RDH10: variants seen among roughly 807,000 people sequenced by gnomAD.
RDH10 encodes the protein retinol dehydrogenase 10, also known as retinol dehydrogenase 10 (all-trans).
RDH10 carries 12 observed loss-of-function variants against 30.2 expected under a neutral mutation model. That is an observed-to-expected ratio of 0.40 (90% CI 0.25 to 0.64). The LOEUF (loss-of-function observed/expected upper bound fraction) is 0.64. Ranked by LOEUF, RDH10 falls within the 30% of genes least tolerant of loss-of-function variation. The probability of loss-of-function intolerance (pLI) is 0.43; values close to 1 mark genes in which losing one functional copy is unlikely to be tolerated. For missense variants in RDH10, 268 were observed against 445.2 expected (o/e 0.60, Z 3.58); for synonymous variants, 189 against 172.2 (o/e 1.10, Z -0.76).
intron 4 of RDH10, 72 bp downstream of exon 4, chr8:73,321,149 C>A: frequency 7.8e-7 from 1 of 1,279,816 alleles, no homozygotes; most frequent in Non-Finnish European, 1.1e-6. Flanking sequence ...GACTTTCAAA[C>A]ATAACCTTGT....
intron 1 of RDH10, among the ~76,000 whole-genome samples, chr8:73,296,382 G>C (rs1814267470): frequency 1.3e-5 from 2 of 152,132 alleles, no homozygotes; most frequent in African/African-American, 4.8e-5. Flanking sequence ...ATTGACTTGG[G>C]CACTTCTCCC....
At chr8:73,314,314 G>A (rs1273288437) in intron 2 of RDH10, among the ~76,000 whole-genome samples, 1 of 152,172 alleles carries the variant, frequency 6.6e-6, no homozygotes, top group African/African-American at 2.4e-5. Flanking sequence ...AAACTAGTCA[G>A]GTTACTTGGG....
At chr8:73,317,394 A>G (rs1814691994) in intron 2 of RDH10, among the ~76,000 whole-genome samples, 1 of 152,214 alleles carries the variant, frequency 6.6e-6, no homozygotes, top group African/African-American at 2.4e-5. Flanking sequence ...ATAGATTATC[A>G]GAAGAGTTCA....
chr8:73,314,338 A>G (rs1814623931), intron 2 of RDH10, among the ~76,000 whole-genome samples: 1 of 152,198 alleles, frequency 6.6e-6, no homozygotes, highest in South Asian at 2.1e-4. Context: ...ATTCCTGAAA[A>G]TGTGATGCTT....
chr8:73,322,205 A>G, intron 4 of RDH10: 2 of 353,712 alleles, frequency 5.7e-6, no homozygotes, highest in East Asian at 7.4e-5. Context: ...AGGGGCCCCT[A>G]GAGAATATAC....
At chr8:73,301,029 A>G (rs955225202) in intron 2 of RDH10, among the ~76,000 whole-genome samples, 1 of 149,780 alleles carries the variant, frequency 6.7e-6, no homozygotes, top group Non-Finnish European at 1.5e-5. Context: ...TTTGCCTGGA[A>G]CAAAACTCTA....
chr8:73,295,298 C>A lies in RDH10; in HGVS notation c.9C>A (p.Ile3=). The A allele has an allele frequency of 3.2e-6, 5 of 1,563,444 alleles. No homozygotes were observed. Among genetic ancestry groups the A allele is most frequent in the Non-Finnish European group, 4.3e-6 (5 of 1,156,872 alleles). ...GGGCCCCGGGCGTCGCGATGAACAT[C>A]GTGGTGGAGTTCTTCGTGGTCACTT... is the stretch of plus-strand genomic sequence containing the variant. MN[I]VVEFFVVTFK... The change falls in exon 1 of 6, where the codon ATC becomes ATA. Residue 3 remains isoleucine (I), a synonymous_variant. Transcript: ENST00000240285.
At chr8:73,309,661 A>G (rs535260438) in intron 2 of RDH10, among the ~76,000 whole-genome samples, 164 of 151,316 alleles carry the variant, frequency 1.1e-3, no homozygotes, top group Admixed American at 2.7e-3. Flanking sequence ...CCAAACCTGG[A>G]AAATGTCATT....
chr8:73,315,950 C>G (rs1814655003), intron 2 of RDH10, among the ~76,000 whole-genome samples: 2 of 152,132 alleles, frequency 1.3e-5, no homozygotes, highest in African/African-American at 2.4e-5. Flanking sequence ...TACTTTTTGG[C>G]TAATCTGGGA....
intron 2 of RDH10, among the ~76,000 whole-genome samples, chr8:73,314,957 AAAT>A (rs1283281376): frequency 2.6e-5 from 4 of 152,198 alleles, no homozygotes; most frequent in Non-Finnish European, 5.9e-5. Flanking sequence ...AGAACAAAAC[AAAT>A]AATCTCCCTC....
chr8:73,314,724 G>A (rs191907339), intron 2 of RDH10, among the ~76,000 whole-genome samples: 10 of 152,284 alleles, frequency 6.6e-5, no homozygotes, highest in East Asian at 1.9e-4. Flanking sequence ...TTCCCTCCGC[G>A]CAGCTCTTTG....
chr8:73,303,439 CATA>C (rs1814415475), intron 2 of RDH10, among the ~76,000 whole-genome samples: 1 of 152,138 alleles, frequency 6.6e-6, no homozygotes, highest in Admixed American at 6.5e-5. Flanking sequence ...TTCTCCTTAC[CATA>C]ATAACTGTAA....
intron 4 of RDH10, chr8:73,322,155 A>C: frequency 2.6e-6 from 1 of 379,122 alleles, no homozygotes; most frequent in Non-Finnish European, 5.2e-6. Flanking sequence ...TAACCCAGTG[A>C]ATCAAACTGA....
rs1247777832 is a variant in RDH10 at position 73,294,964 on chromosome 8, C to T, written c.-326C>T. 4 of 390,826 alleles carry T rather than the reference C, an allele frequency of 1.0e-5. No individual in the cohort carries two copies. Among genetic ancestry groups the T allele is most frequent in the Middle Eastern group, 6.4e-4 (1 of 1,562 alleles). The allele number at this position is 390,826 out of a possible 1,614,324, so 24.2% of individuals were successfully genotyped here. On this transcript the variant is annotated 5_prime_UTR_variant, in exon 1 of 6. Coordinates refer to ENST00000240285, the MANE Select transcript of RDH10 (RefSeq NM_172037.5). ...AGGGCAGTTCGAGTAGTCTAACTCG[C>T]GGCTGTCACCGCCACTGCAGCGGAG...
At chr8:73,296,063 C>A (rs1054842776) in intron 1 of RDH10, among the ~76,000 whole-genome samples, 1 of 152,184 alleles carries the variant, frequency 6.6e-6, no homozygotes, top group Admixed American at 6.5e-5. Context: ...AACATAATTA[C>A]ATTGTTTCGC....
chr8:73,310,443 A>C (rs1814544602), intron 2 of RDH10, among the ~76,000 whole-genome samples: 1 of 151,534 alleles, frequency 6.6e-6, no homozygotes, highest in South Asian at 2.1e-4. Flanking sequence ...TGATGGGGAC[A>C]TTGAGAGCTG....
intron 2 of RDH10, among the ~76,000 whole-genome samples, chr8:73,298,721 T>TA (rs1814323227): frequency 6.6e-6 from 1 of 151,950 alleles, no homozygotes; most frequent in South Asian, 2.1e-4. Flanking sequence ...AGAGATGGGG[T>TA]TTCATGGTGT....
In RDH10 at chr8:73,322,967, G is replaced by A; in HGVS notation, c.957G>A (p.Lys319=). The A allele has an allele frequency of 1.9e-6, 3 of 1,614,030 alleles. No homozygotes were observed. The highest frequency in any genetic ancestry group is 2.2e-5 in the South Asian group (2 of 91,082). The change falls in exon 6 of 6, where the codon AAG becomes AAA. Residue 319 remains lysine, a synonymous_variant. Transcript: ENST00000240285. ...TGTATCGGTTCCTAGGAGCGGACAA[G>A]TGTATGTACCCCTTTATTGCTCAAA... ...VCMYRFLGAD[K]CMYPFIAQRK...
At position 73,294,943 on chromosome 8, in the gene RDH10, C is replaced by T; in HGVS notation, c.-347C>T. 2 of 393,708 alleles carry T rather than the reference C, an allele frequency of 5.1e-6. No individual in the cohort carries two copies. The highest frequency in any genetic ancestry group is 9.0e-6 in the Non-Finnish European group (2 of 222,828). 24.4% of individuals were successfully genotyped at this position (393,708 alleles called of 1,614,324 possible). A position where few individuals can be genotyped will look rare whatever the true frequency, so the allele number is the denominator to read the frequency against. Reference sequence around the variant, plus strand: ...GGCGGCAGCAGCTTGGCCATGAGGGCAGTTCGAGTAGTCTAACTCGCGGCT... The same window carrying T: ...GGCGGCAGCAGCTTGGCCATGAGGGTAGTTCGAGTAGTCTAACTCGCGGCT... On this transcript the variant is annotated 5_prime_UTR_variant, in exon 1 of 6. Coordinates refer to ENST00000240285, the MANE Select transcript of RDH10 (RefSeq NM_172037.5).
Sources: gnomAD v4.1 joint callset for allele counts (sites outside exome capture counted in the v4.1 genomes callset) on GRCh38, gnomAD v4.1.1 for gene constraint, MANE v1.5 for transcripts, NCBI Gene and HGNC (gene_info 2026-07-23, HGNC 2026-07-21) for gene names.